TRIOBP: variants seen among roughly 807,000 people sequenced by gnomAD.
The protein encoded by TRIOBP is TRIO and F-actin binding protein.
TRIOBP carries 169 observed loss-of-function variants against 238.8 expected under a neutral mutation model. That is an observed-to-expected ratio of 0.71 (90% CI 0.62 to 0.80). The LOEUF (loss-of-function observed/expected upper bound fraction) is 0.80, where lower values mean the gene tolerates loss of function less well. Among genes scored for constraint, TRIOBP ranks in the 30% least tolerant of loss-of-function variants. TRIOBP has a pLI of 0.00. For missense variants in TRIOBP, 2,838 were observed against 3,122.6 expected, an observed-to-expected ratio of 0.91 and a Z score of 2.17; for synonymous variants, 1,150 against 1,274.4, an observed-to-expected ratio of 0.90 and a Z score of 2.08.
intron 7 of TRIOBP, among the ~76,000 whole-genome samples, chr22:37,726,905 A>AT (rs1325166535): frequency 7.3e-6 from 1 of 137,160 alleles, no homozygotes; most frequent in South Asian, 2.4e-4. Flanking sequence ...TTTATTTTTT[A>AT]TTTTTTGTTT....
intron 11 of TRIOBP, chr22:37,746,272 GA>G: frequency 9.2e-7 from 1 of 1,086,180 alleles, no homozygotes. Flanking sequence ...CAGCGTCGGG[GA>G]AAGGAAGGGC....
chr22:37,768,902 C>T, intron 19 of TRIOBP, 126 bp from the exon 20 acceptor site: 1 of 1,323,094 alleles, frequency 7.6e-7, no homozygotes. Context: ...AGCCCCACAG[C>T]AGGCTAAAGG....
Position 37,767,770 on chromosome 22 carries a change from C to G in TRIOBP, c.6473-304C>G, listed in dbSNP as rs16985637. 0.055 allele frequency among the ~76,000 whole-genome samples: 8,366 copies of G among 152,178 alleles called. 313 individuals are homozygous for G. Among genetic ancestry groups the G allele is most frequent in the Admixed American group, 0.078 (1,197 of 15,290 alleles). On this transcript the variant is annotated intron_variant, in intron 18 of 23. Transcript: ENST00000644935. ...CACTAGAACAGGAGGTACCAATGGT[C>G]AGACCCTGAGCTGTCTCCCCAGTAG...
At position 37,725,799 on chromosome 22, in the gene TRIOBP, A is replaced by G. The variant is rs202174919; in HGVS notation, c.3243A>G (p.Gln1081=). The change falls in exon 7 of 24, where the codon CAA becomes CAG. Residue 1081 remains glutamine, a synonymous_variant. Transcript: ENST00000644935. ...PRASSPPRHT[Q]FDPFPFLPDT... is the part of the protein sequence containing the mutation. ...CGTCCTCGCCCCCCCGCCACACCCA[A>G]TTTGACCCCTTCCCCTTCCTCCCAG... 1.3e-5 allele frequency: 20 copies of G among 1,577,342 alleles called. No individual in the cohort carries two copies. Among genetic ancestry groups the G allele is most frequent in the South Asian group, 4.5e-5 (4 of 89,796 alleles).
At chr22:37,744,939 C>T (rs1925142539) in intron 11 of TRIOBP, among the ~76,000 whole-genome samples, 1 of 152,062 alleles carries the variant, frequency 6.6e-6, no homozygotes, top group Non-Finnish European at 1.5e-5. Context: ...AATCTCTGCT[C>T]ACTGTAACCT....
intron 7 of TRIOBP, among the ~76,000 whole-genome samples, chr22:37,728,088 C>G (rs559672614): frequency 6.6e-6 from 1 of 152,138 alleles, no homozygotes; most frequent in Admixed American, 6.5e-5. Flanking sequence ...ATCTAAAATT[C>G]CTCTTTGCTG....
chr22:37,731,644 A>G (rs1428429562), intron 7 of TRIOBP, among the ~76,000 whole-genome samples: 3 of 151,334 alleles, frequency 2.0e-5, no homozygotes, highest in South Asian at 2.1e-4. Context: ...TTTAGTAGAG[A>G]TTGGGTTTCA....
chr22:37,713,167 C>A, intron 4 of TRIOBP, 43 bp from the exon 5 acceptor site: 1 of 1,548,578 alleles, frequency 6.5e-7, no homozygotes, highest in Non-Finnish European at 8.8e-7. Flanking sequence ...GTGGGGGATG[C>A]TCCTAACTCC....
At chr22:37,712,140 C>T (rs975591908) in intron 4 of TRIOBP, among the ~76,000 whole-genome samples, 3 of 151,884 alleles carry the variant, frequency 2.0e-5, no homozygotes, top group African/African-American at 7.3e-5. Flanking sequence ...TGGCCAGTCT[C>T]TTGACCTCTC....
chr22:37,755,630 A>G lies in TRIOBP; in HGVS notation c.5658A>G (p.Val1886=). 1 of 1,614,086 alleles carries G rather than the reference A, an allele frequency of 6.2e-7. No individual in the cohort carries two copies. The highest frequency in any genetic ancestry group is 8.5e-7 in the Non-Finnish European group (1 of 1,180,026). Residue 1886 remains valine, a synonymous_variant, in exon 15 of 24, where the codon GTA becomes GTG. Transcript: ENST00000644935. ...RNWIEALRKT[V]RPTSAPDVTK... ...GGATCGAGGCTCTGAGAAAGACCGTACGTCCAACTTCAGCCCCAGATGTCA... is the reference window on the plus strand; with the variant it reads ...GGATCGAGGCTCTGAGAAAGACCGTGCGTCCAACTTCAGCCCCAGATGTCA...
intron 12 of TRIOBP, among the ~76,000 whole-genome samples, chr22:37,753,384 C>T (rs1327053278): frequency 6.6e-6 from 1 of 152,156 alleles, no homozygotes; most frequent in African/African-American, 2.4e-5. Context: ...AAGCGATTCT[C>T]CTGCCTCAGC....
In TRIOBP at chr22:37,759,135, C is replaced by T. The variant is rs753271265; in HGVS notation, c.6214-19C>T. 4 of 1,597,268 alleles carry T rather than the reference C, an allele frequency of 2.5e-6. No homozygotes were observed. In the South Asian group the frequency reaches 3.4e-5, roughly 13 times the overall value. ...TGCCCCAGCTTCCAGGTCCCACTGACCACCCTTCTCCCTCGTAGGTTCAGG... is the reference window on the plus strand; with the variant it reads ...TGCCCCAGCTTCCAGGTCCCACTGATCACCCTTCTCCCTCGTAGGTTCAGG... On this transcript the variant is annotated intron_variant, in intron 16 of 23. Transcript: ENST00000644935.
At position 37,710,338 on chromosome 22, in the gene TRIOBP, G is replaced by T. The variant is rs955107617; in HGVS notation, c.115-89G>T. On this transcript the variant is annotated intron_variant, in intron 3 of 23. Coordinates refer to ENST00000644935, the MANE Select transcript of TRIOBP (RefSeq NM_001039141.3). ...AGGATCCCCCGAGGAGATGCCTGGAGACTCCCACGCCACCGGGAGGGGCTG... is the reference window on the plus strand; with the variant it reads ...AGGATCCCCCGAGGAGATGCCTGGATACTCCCACGCCACCGGGAGGGGCTG... 3.8e-6 allele frequency: 6 copies of T among 1,576,064 alleles called. No individual in the cohort carries two copies. In the African/African-American group the frequency reaches 6.7e-5, roughly 18 times the overall value.
At chr22:37,720,795 G>A (rs1038497844) in intron 6 of TRIOBP, among the ~76,000 whole-genome samples, 1 of 152,128 alleles carries the variant, frequency 6.6e-6, no homozygotes, top group Admixed American at 6.6e-5. Context: ...TTACAGGTGT[G>A]AGCCACTACC....
At chr22:37,756,285 A>T (rs770493996) in intron 15 of TRIOBP, among the ~76,000 whole-genome samples, 26 of 152,024 alleles carry the variant, frequency 1.7e-4, no homozygotes, top group Admixed American at 5.9e-4. Context: ...ATATAGTGAG[A>T]CCTCGTCCCT....
rs571155269 is a variant in TRIOBP at position 37,733,602 on chromosome 22, A to T, written c.4062+190A>T. Among the ~76,000 whole-genome samples the T allele has an allele frequency of 6.0e-5, 9 of 150,620 alleles. No homozygotes were observed. The South Asian group carries it at 1.9e-3, about 32-fold the overall frequency. On this transcript the variant is annotated intron_variant, in intron 8 of 23. Coordinates refer to ENST00000644935, the MANE Select transcript of TRIOBP (RefSeq NM_001039141.3). ...CTCTTGGCAAAATGCACAAGACCCC[A>T]CATTAATCCTTTGAAGATAGCCCCT...
chr22:37,721,848 T>C (rs1161194076), intron 6 of TRIOBP, among the ~76,000 whole-genome samples: 1 of 152,060 alleles, frequency 6.6e-6, no homozygotes, highest in Admixed American at 6.6e-5. Flanking sequence ...CCAAGGGACA[T>C]GTACATAGGG....
chr22:37,725,482 G>A lies in TRIOBP; in HGVS notation c.2926G>A (p.Ala976Thr), dbSNP rs1319642815. 3.1e-6 allele frequency: 5 copies of A among 1,613,346 alleles called. No individual in the cohort carries two copies. Residue 976 changes from alanine to threonine, a missense_variant, in exon 7 of 24, where the codon GCC becomes ACC. Ala to Thr is a moderately conservative substitution (Grantham distance 58). Coordinates refer to ENST00000644935, the MANE Select transcript of TRIOBP (RefSeq NM_001039141.3). ...GPTQYNLPSR[A>T]TSSSHNPGHQ... is the part of the protein sequence containing the mutation. The stretch of plus-strand genomic sequence containing the variant: ...CACCCAGTACAACTTGCCATCCCGG[G>A]CCACCTCTTCCTCCCATAACCCAGG...
intron 7 of TRIOBP, among the ~76,000 whole-genome samples, chr22:37,727,909 A>C (rs1023593420): frequency 3.3e-5 from 5 of 152,184 alleles, no homozygotes; most frequent in African/African-American, 1.2e-4. Context: ...CTAGAATTCC[A>C]TTAGTTAGGG....
Sources: gnomAD v4.1 joint callset for allele counts (sites outside exome capture counted in the v4.1 genomes callset) on GRCh38, gnomAD v4.1.1 for gene constraint, MANE v1.5 for transcripts, NCBI Gene and HGNC (gene_info 2026-07-23, HGNC 2026-07-21) for gene names.